Variants in UST observed in about 807,000 individuals in gnomAD.
UST encodes the protein chondroitin sulfate 2-O-sulfotransferase.
UST carries 21 observed loss-of-function variants against 45.6 expected under a neutral mutation model. The ratio of observed to expected loss-of-function variants is 0.46; its 90% CI spans 0.33 to 0.66. The LOEUF (loss-of-function observed/expected upper bound fraction) is 0.66, where lower values mean the gene tolerates loss of function less well. Among genes scored for constraint, UST ranks in the 30% least tolerant of loss-of-function variants. The pLI is 0.02. For synonymous variants in UST, 215 were observed against 200.6 expected (o/e 1.07, Z -0.61); for missense variants, 463 against 512.4 (o/e 0.90, Z 0.93).
chr6:148,990,351 T>C (rs1304857432), intron 5 of UST: 1 of 979,214 alleles, frequency 1.0e-6, no homozygotes, highest in Non-Finnish European at 1.2e-6. Context: ...CCATGAGATC[T>C]TTCTTTCTTT....
chr6:149,030,224 G>A (rs1013617698), intron 7 of UST, among the ~76,000 whole-genome samples: 18 of 151,958 alleles, frequency 1.2e-4, no homozygotes, highest in African/African-American at 4.1e-4. Flanking sequence ...TCTGTCCCCA[G>A]GCCCATCACA....
chr6:148,829,290 G>A (rs17719900), intron 1 of UST, among the ~76,000 whole-genome samples: 5,629 of 152,214 alleles, frequency 0.037, 161 homozygotes, highest in Non-Finnish European at 0.055. Flanking sequence ...ACCTGGGTCC[G>A]CTGTAACCAT....
intron 2 of UST, among the ~76,000 whole-genome samples, chr6:148,906,066 CAG>C (rs1779352557): frequency 6.6e-6 from 1 of 152,144 alleles, no homozygotes; most frequent in Admixed American, 6.5e-5. Context: ...CAGAGGTATC[CAG>C]AATGAACTTG....
chr6:148,777,773 C>G (rs1379188390), intron 1 of UST, among the ~76,000 whole-genome samples: 2 of 152,166 alleles, frequency 1.3e-5, no homozygotes, highest in African/African-American at 4.8e-5. Context: ...TCTCGAACTC[C>G]TGACCTTAGG....
chr6:149,040,743 T>C (rs1776300961), intron 7 of UST, among the ~76,000 whole-genome samples: 1 of 152,226 alleles, frequency 6.6e-6, no homozygotes, highest in Non-Finnish European at 1.5e-5. Context: ...TTCTCCAGCA[T>C]GTGGTCCCCC....
intron 7 of UST, among the ~76,000 whole-genome samples, chr6:149,073,464 A>G (rs1776845809): frequency 6.6e-6 from 1 of 152,252 alleles, no homozygotes; most frequent in Admixed American, 6.5e-5. Context: ...CAGCTCTTCC[A>G]TGCCTCCTTC....
At chr6:149,056,149 G>A (rs547622368) in intron 7 of UST, among the ~76,000 whole-genome samples, 45 of 57,900 alleles carry the variant, frequency 7.8e-4, no homozygotes, top group African/African-American at 4.2e-3. Flanking sequence ...TTTTTGAAAT[G>A]GGGTCTCGCT....
rs1041420548 is a variant in UST at position 148,764,553 on chromosome 6, C to T, written c.247+16876C>T. ...GGTTCTTTTCTATTTCCTTAAGTGT[C>T]GGCCGGTCTGAGAAATAAAGGGAAA... On this transcript the variant is annotated intron_variant, in intron 1 of 7. Transcript: ENST00000367463. 5.9e-5 allele frequency among the ~76,000 whole-genome samples: 9 copies of T among 152,016 alleles called. No homozygotes were observed. In the East Asian group the frequency reaches 1.5e-3, roughly 26 times the overall value.
intron 2 of UST, among the ~76,000 whole-genome samples, chr6:148,921,434 G>T (rs1779703555): frequency 6.6e-6 from 1 of 152,212 alleles, no homozygotes; most frequent in East Asian, 1.9e-4. Context: ...TTTGTGTGTT[G>T]TATAGTATGC....
In UST at chr6:149,021,412, G is replaced by A; in HGVS notation, c.868G>A (p.Val290Met). The change falls in exon 7 of 8, where the codon GTG becomes ATG. Residue 290 changes from valine to methionine, a missense_variant. Val to Met is a conservative substitution (Grantham distance 21). Around this residue, in one of 2 missense-constraint regions of UST, gnomAD observed 287 missense variants for 374.2 expected, o/e 0.77. Coordinates refer to ENST00000367463, the MANE Select transcript of UST (RefSeq NM_005715.3). Reference sequence around the variant, plus strand: ...GGGGATTCTTGAAGAGTTGGAAGATGTGCTGCTGTTACTGGAAAGATTTTT... The same window carrying A: ...GGGGATTCTTGAAGAGTTGGAAGATATGCTGCTGTTACTGGAAAGATTTTT... ...LVGILEELEDVLLLLERFLPH... is the reference protein window; with the variant it reads ...LVGILEELEDMLLLLERFLPH... 6.2e-7 allele frequency: 1 copy of A among 1,614,226 alleles called. No homozygotes were observed. Among genetic ancestry groups the A allele is most frequent in the Non-Finnish European group, 8.5e-7 (1 of 1,180,042 alleles).
At chr6:148,758,550 G>C (rs930897383) in intron 1 of UST, among the ~76,000 whole-genome samples, 1 of 152,200 alleles carries the variant, frequency 6.6e-6, no homozygotes, top group African/African-American at 2.4e-5. Flanking sequence ...CACTGTGCCT[G>C]CTCCCAGAAC....
intron 1 of UST, among the ~76,000 whole-genome samples, chr6:148,841,419 A>C (rs1387125474): frequency 6.6e-6 from 1 of 152,202 alleles, no homozygotes; most frequent in East Asian, 1.9e-4. Context: ...GTGCTATTCC[A>C]TGTAACTAAG....
In UST at chr6:148,852,402, C is replaced by T. The variant is rs144212137; in HGVS notation, c.248-34584C>T. ...CCCTGGATCTGGATGTGTGTTTAAA[C>T]GATTATAGTTCAGGAAAAGAGCCTA... On this transcript the variant is annotated intron_variant, in intron 1 of 7. Coordinates refer to ENST00000367463, the MANE Select transcript of UST (RefSeq NM_005715.3). Among the ~76,000 whole-genome samples the T allele has an allele frequency of 4.6e-3, 707 of 152,272 alleles. 4 individuals are homozygous for T. The highest frequency in any genetic ancestry group is 0.016 in the African/African-American group (673 of 41,550).
intron 7 of UST, among the ~76,000 whole-genome samples, chr6:149,049,210 A>T (rs1776442786): frequency 6.6e-6 from 1 of 152,256 alleles, no homozygotes; most frequent in South Asian, 2.1e-4. Flanking sequence ...AACTATTATA[A>T]GGATGTTCCT....
chr6:148,921,696 G>A (rs1275577895), intron 2 of UST, among the ~76,000 whole-genome samples: 2 of 152,194 alleles, frequency 1.3e-5, no homozygotes, highest in African/African-American at 2.4e-5. Flanking sequence ...CTTCCTCTGA[G>A]CAGGATGGAC....
intron 2 of UST, among the ~76,000 whole-genome samples, chr6:148,933,388 G>T (rs888142094): frequency 6.6e-6 from 1 of 152,156 alleles, no homozygotes; most frequent in Non-Finnish European, 1.5e-5. Flanking sequence ...AGATGGACTT[G>T]TAAATGATCT....
At chr6:148,991,348 A>AT (rs1781348067) in intron 5 of UST, among the ~76,000 whole-genome samples, 1 of 152,104 alleles carries the variant, frequency 6.6e-6, no homozygotes, top group Non-Finnish European at 1.5e-5. Flanking sequence ...AGAACTCATA[A>AT]ATTTTTTTTA....
At chr6:148,795,196 T>A (rs1409325392) in intron 1 of UST, among the ~76,000 whole-genome samples, 1 of 152,238 alleles carries the variant, frequency 6.6e-6, no homozygotes, top group East Asian at 1.9e-4. Context: ...TAAGAAATAT[T>A]TGAGAAGTAG....
intron 7 of UST, among the ~76,000 whole-genome samples, chr6:149,033,049 T>A (rs1776179299): frequency 6.6e-6 from 1 of 151,300 alleles, no homozygotes; most frequent in Admixed American, 6.6e-5. Context: ...GCTGAAAGGC[T>A]TCTAAAGCTT....
Sources: gnomAD v4.1 joint callset for allele counts (sites outside exome capture counted in the v4.1 genomes callset) on GRCh38, gnomAD v4.1.1 for gene constraint, gnomAD v4.1.1 regional missense constraint, MANE v1.5 for transcripts, NCBI Gene and HGNC (gene_info 2026-07-23, HGNC 2026-07-21) for gene names.